The following NTNG1 variants were observed in gnomAD, a reference collection of about 807,000 sequenced individuals.
NTNG1 encodes the protein netrin G1, also known as netrin-G1.
Under a neutral mutation model 54.0 loss-of-function variants are expected in NTNG1, and 16 were observed. The ratio of observed to expected loss-of-function variants is 0.30; its 90% CI spans 0.20 to 0.45. The LOEUF (loss-of-function observed/expected upper bound fraction) is 0.45, where lower values mean the gene tolerates loss of function less well. Ranked by LOEUF, NTNG1 falls within the 20% of genes least tolerant of loss-of-function variation. The pLI is 1.00. For synonymous variants in NTNG1, 255 were observed against 263.1 expected, an observed-to-expected ratio of 0.97 and a Z score of 0.30; for missense variants, 530 against 678.7, an observed-to-expected ratio of 0.78 and a Z score of 2.43.
At chr1:107,479,931 C>G (rs558776065) in intron 7 of NTNG1, among the ~76,000 whole-genome samples, 1 of 152,230 alleles carries the variant, frequency 6.6e-6, no homozygotes, top group African/African-American at 2.4e-5. Context: ...GGCTATACTT[C>G]CCATATTTAC....
At chr1:107,377,991 T>C (rs1443624527) in intron 3 of NTNG1, among the ~76,000 whole-genome samples, 1 of 152,244 alleles carries the variant, frequency 6.6e-6, no homozygotes, top group Non-Finnish European at 1.5e-5. Context: ...ACAGATCTAA[T>C]CCAATGGTGA....
chr1:107,175,221 G>A (rs1179826200), intron 2 of NTNG1, among the ~76,000 whole-genome samples: 2 of 152,112 alleles, frequency 1.3e-5, no homozygotes, highest in Non-Finnish European at 2.9e-5. Context: ...CAGAATGTGA[G>A]GGTTCTCTGC....
intron 3 of NTNG1, among the ~76,000 whole-genome samples, chr1:107,370,812 T>C (rs1284008159): frequency 6.6e-6 from 1 of 152,114 alleles, no homozygotes; most frequent in Non-Finnish European, 1.5e-5. Context: ...GCACATATTT[T>C]GTCAAATTTA....
intron 2 of NTNG1, among the ~76,000 whole-genome samples, chr1:107,225,860 TGAA>T (rs1261926996): frequency 2.0e-5 from 3 of 152,080 alleles, no homozygotes; most frequent in Non-Finnish European, 4.4e-5. Flanking sequence ...AATTAACATA[TGAA>T]TTGCTCAGAT....
At position 107,407,414 on chromosome 1, in the gene NTNG1, C is replaced by T. The variant is rs973380269; in HGVS notation, c.1061-268C>T. Among the ~76,000 whole-genome samples the T allele has an allele frequency of 2.0e-5, 3 of 151,762 alleles. No individual in the cohort carries two copies. In the Admixed American group the frequency reaches 2.0e-4, roughly 10 times the overall value. ...TCAAAAGCTTACTTGGACCAGATGC[C>T]GAAATGAGTATTAACTTCCCAACTC... On this transcript the variant is annotated intron_variant, in intron 4 of 7. Coordinates refer to ENST00000370068, the MANE Select transcript of NTNG1 (RefSeq NM_001113226.3).
chr1:107,181,690 G>C (rs764961673), intron 2 of NTNG1, among the ~76,000 whole-genome samples: 4 of 152,082 alleles, frequency 2.6e-5, no homozygotes, highest in African/African-American at 9.7e-5. Context: ...CTCCCTTGCT[G>C]TACTGCGCTT....
intron 5 of NTNG1, among the ~76,000 whole-genome samples, chr1:107,425,660 T>G (rs1311689821): frequency 1.3e-5 from 2 of 152,156 alleles, no homozygotes; most frequent in Non-Finnish European, 2.9e-5. Flanking sequence ...GTTGTCTTTT[T>G]TATATAATGA....
chr1:107,399,237 A>G (rs2101106907), intron 4 of NTNG1, among the ~76,000 whole-genome samples: 1 of 152,310 alleles, frequency 6.6e-6, no homozygotes, highest in Admixed American at 6.5e-5. Context: ...ATAACTTTCT[A>G]TAAAACACTC....
chr1:107,141,816 A>G (rs976859222), intron 1 of NTNG1, among the ~76,000 whole-genome samples: 2 of 152,216 alleles, frequency 1.3e-5, no homozygotes, highest in African/African-American at 4.8e-5. Flanking sequence ...ACACCTGGCC[A>G]CACACATCGC....
At position 107,179,477 on chromosome 1, in the gene NTNG1, TA is replaced by T. The variant is rs549100169; in HGVS notation, c.246+30639del. Reference sequence around the variant, plus strand: ...ATTTTTCCAGGCATTTATTTCAATGTATTTTTTTTAAAATTGACAATACAAA... The same window carrying T: ...ATTTTTCCAGGCATTTATTTCAATGTTTTTTTTTAAAATTGACAATACAAA... On this transcript the variant is annotated intron_variant, in intron 2 of 7. Transcript: ENST00000370068. Among the ~76,000 whole-genome samples the T allele has an allele frequency of 5.5e-4, 84 of 152,136 alleles. No homozygotes were observed. The East Asian group carries it at 0.01, about 18-fold the overall frequency.
At chr1:107,252,335 G>T (rs1475322727) in intron 2 of NTNG1, among the ~76,000 whole-genome samples, 1 of 152,142 alleles carries the variant, frequency 6.6e-6, no homozygotes, top group African/African-American at 2.4e-5. Context: ...TTAATTTGGT[G>T]ATTCCTTCCT....
intron 3 of NTNG1, among the ~76,000 whole-genome samples, chr1:107,382,903 A>T (rs1570818651): frequency 6.6e-6 from 1 of 151,984 alleles, no homozygotes; most frequent in East Asian, 1.9e-4. Context: ...ACTCTTCTCT[A>T]TTGGAAATTA....
At chr1:107,460,797 C>A (rs1172102354) in intron 7 of NTNG1, among the ~76,000 whole-genome samples, 1 of 152,180 alleles carries the variant, frequency 6.6e-6, no homozygotes, top group Non-Finnish European at 1.5e-5. Context: ...TGGAGCAAGG[C>A]TGCATAAAAC....
At chr1:107,199,149 G>A (rs987353853) in intron 2 of NTNG1, among the ~76,000 whole-genome samples, 4 of 151,486 alleles carry the variant, frequency 2.6e-5, no homozygotes, top group African/African-American at 9.7e-5. Context: ...GTAGGCCAAG[G>A]TCTTCTTAAT....
chr1:107,430,257 G>A (rs912231586), intron 5 of NTNG1, among the ~76,000 whole-genome samples: 6 of 152,010 alleles, frequency 3.9e-5, no homozygotes, highest in African/African-American at 9.7e-5. Context: ...ATGAAACCCC[G>A]ACTGAGTTGC....
At chr1:107,389,000 GAT>G (rs777736114) in intron 3 of NTNG1, among the ~76,000 whole-genome samples, 20 of 152,200 alleles carry the variant, frequency 1.3e-4, no homozygotes, top group Non-Finnish European at 2.9e-4. Flanking sequence ...AGCAGAGGAT[GAT>G]CCACATTTTG....
At chr1:107,354,571 C>T (rs1316692502) in intron 3 of NTNG1, among the ~76,000 whole-genome samples, 2 of 151,826 alleles carry the variant, frequency 1.3e-5, no homozygotes, top group Non-Finnish European at 2.9e-5. Flanking sequence ...CTGTAGCGCT[C>T]AGCTGCATCC....
At chr1:107,454,962 G>A (rs530799) in intron 7 of NTNG1, among the ~76,000 whole-genome samples, 84,793 of 152,062 alleles carry the variant, frequency 0.56, 23,908 homozygotes, top group South Asian at 0.69. Context: ...CAGGTGCTAC[G>A]TGTGAGCACA....
At chr1:107,395,817 G>C (rs1431303772) in intron 4 of NTNG1, among the ~76,000 whole-genome samples, 1 of 152,178 alleles carries the variant, frequency 6.6e-6, no homozygotes, top group African/African-American at 2.4e-5. Context: ...CTTGTGAAAA[G>C]TTTGGCTGTT....
Sources: gnomAD v4.1 joint callset for allele counts (sites outside exome capture counted in the v4.1 genomes callset) on GRCh38, gnomAD v4.1.1 for gene constraint, MANE v1.5 for transcripts, NCBI Gene and HGNC (gene_info 2026-07-23, HGNC 2026-07-21) for gene names.